The following MAPK4 variants were observed in gnomAD, a reference collection of about 807,000 sequenced individuals.
MAPK4 encodes the protein Erk3-related.
A neutral mutation model predicts 47.7 loss-of-function variants in MAPK4; 22 were observed. That is an observed-to-expected ratio of 0.46 (90% CI 0.33 to 0.66). MAPK4 has a LOEUF of 0.66. Ranked by LOEUF, MAPK4 falls within the 30% of genes least tolerant of loss-of-function variation. The pLI is 0.02. For synonymous variants in MAPK4, 390 were observed against 365.7 expected, an observed-to-expected ratio of 1.07 and a Z score of -0.76; for missense variants, 736 against 831.7, an observed-to-expected ratio of 0.88 and a Z score of 1.42.
intron 1 of MAPK4, among the ~76,000 whole-genome samples, chr18:50,590,600 A>G (rs2042428856): frequency 6.6e-6 from 1 of 152,238 alleles, no homozygotes; most frequent in Non-Finnish European, 1.5e-5. Flanking sequence ...TGCTAAAATT[A>G]GAGCTGAAAG....
intron 1 of MAPK4, among the ~76,000 whole-genome samples, chr18:50,644,995 G>C (rs2042974919): frequency 6.6e-6 from 1 of 152,222 alleles, no homozygotes; most frequent in African/African-American, 2.4e-5. Context: ...TAATGGATGG[G>C]ATGGGGATTT....
At position 50,635,514 on chromosome 18, in the gene MAPK4, A is replaced by G. The variant is rs75024987; in HGVS notation, c.-870-27575A>G. Among the ~76,000 whole-genome samples the G allele has an allele frequency of 7.3e-3, 1,114 of 152,298 alleles. 10 individuals are homozygous for G. Among genetic ancestry groups the G allele is most frequent in the African/African-American group, 0.026 (1,064 of 41,544 alleles). ...AGCTCCCAAGCTGGGCTATCTCTGT[A>G]GCGTAGTCCAACCAATCCATTCTCC... is the stretch of plus-strand genomic sequence containing the variant. On this transcript the variant is annotated intron_variant, in intron 1 of 5. Coordinates refer to ENST00000400384, the MANE Select transcript of MAPK4 (RefSeq NM_002747.4).
chr18:50,575,308 A>G (rs982078847), intron 1 of MAPK4, among the ~76,000 whole-genome samples: 2 of 152,244 alleles, frequency 1.3e-5, no homozygotes, highest in Admixed American at 1.3e-4. Context: ...TGGATTTCCA[A>G]AACTGTGAGA....
chr18:50,596,239 G>A (rs1269360483), intron 1 of MAPK4, among the ~76,000 whole-genome samples: 2 of 152,128 alleles, frequency 1.3e-5, no homozygotes, highest in Admixed American at 1.3e-4. Context: ...GCCAGTAAGG[G>A]GTGCGGGTAG....
rs750761382 is a variant in MAPK4 at position 50,664,369 on chromosome 18, C to G, written c.411C>G (p.Leu137=). ...KLFMYQLLRG[L]KYIHSANVLH... ...TCATGTACCAGCTGCTCCGCGGGCT[C>G]AAGTACATCCACTCCGCCAACGTGC... is the stretch of plus-strand genomic sequence containing the variant. The change falls in exon 2 of 6, where the codon CTC becomes CTG. Residue 137 remains leucine, a synonymous_variant. Coordinates refer to ENST00000400384, the MANE Select transcript of MAPK4 (RefSeq NM_002747.4). This position sits in a 1 kb window ranked among gnomAD's most constrained non-coding sequence, Gnocchi z 6.0. The G allele has an allele frequency of 1.2e-6, 2 of 1,614,034 alleles. No homozygotes were observed. Among genetic ancestry groups the G allele is most frequent in the East Asian group, 2.2e-5 (1 of 44,872 alleles).
At chr18:50,720,658 G>A (rs1252042265) in intron 3 of MAPK4, among the ~76,000 whole-genome samples, 1 of 152,146 alleles carries the variant, frequency 6.6e-6, no homozygotes, top group Non-Finnish European at 1.5e-5. Context: ...CAGGGGCTTG[G>A]GAGCAAGGTC....
At chr18:50,656,029 A>G (rs3911592) in intron 1 of MAPK4, among the ~76,000 whole-genome samples, 100,603 of 151,930 alleles carry the variant, frequency 0.66, 34,502 homozygotes, top group East Asian at 0.76. Context: ...CCAGAATTCT[A>G]TCTGACTCTG....
At chr18:50,663,027 G>T (rs1287635888) in intron 1 of MAPK4, 62 bp from the exon 2 acceptor site, 4 of 152,250 alleles carry the variant, frequency 2.6e-5, no homozygotes, top group Admixed American at 6.5e-5. Flanking sequence ...AACAAAAGAC[G>T]CAAGTGGGAA....
Position 50,678,477 on chromosome 18 carries a change from C to T in MAPK4, c.546+13973C>T, listed in dbSNP as rs886511127. ...ATCAGAGTAGATACTGTCTGGGAGCCGCCATCACCCCTCCACCCTGTACAG... is the reference window on the plus strand; with the variant it reads ...ATCAGAGTAGATACTGTCTGGGAGCTGCCATCACCCCTCCACCCTGTACAG... On this transcript the variant is annotated intron_variant, in intron 2 of 5. Coordinates refer to ENST00000400384, the MANE Select transcript of MAPK4 (RefSeq NM_002747.4). The surrounding 1 kb of genome is among the most constrained non-coding windows in gnomAD (Gnocchi z 4.2). Among the ~76,000 whole-genome samples the T allele has an allele frequency of 2.0e-5, 3 of 152,138 alleles. No homozygotes were observed. The highest frequency in any genetic ancestry group is 1.9e-4 in the East Asian group (1 of 5,188).
chr18:50,560,327 G>C (rs1878279007), intron 1 of MAPK4, 84 bp downstream of exon 1: 1 of 152,150 alleles, frequency 6.6e-6, no homozygotes, highest in African/African-American at 2.4e-5. Flanking sequence ...GCGGGGAAGA[G>C]ATGAGACTTC....
At chr18:50,709,326 C>A (rs1340871697) in intron 2 of MAPK4, among the ~76,000 whole-genome samples, 1 of 152,206 alleles carries the variant, frequency 6.6e-6, no homozygotes, top group Non-Finnish European at 1.5e-5. Flanking sequence ...GTCCATTAAT[C>A]CCCTGCTCTC....
At chr18:50,667,282 TCTGATCA>T (rs1461831861) in intron 2 of MAPK4, among the ~76,000 whole-genome samples, 1 of 152,190 alleles carries the variant, frequency 6.6e-6, no homozygotes, top group African/African-American at 2.4e-5. Flanking sequence ...CTCCATGGAT[TCTGATCA>T]CTGTACCTAA....
chr18:50,612,431 C>G (rs1048189516), intron 1 of MAPK4, among the ~76,000 whole-genome samples: 1 of 152,132 alleles, frequency 6.6e-6, no homozygotes, highest in Admixed American at 6.5e-5. Flanking sequence ...GTATGTCACC[C>G]CTACCCTCAG....
chr18:50,565,222 T>G (rs1483364131), intron 1 of MAPK4, among the ~76,000 whole-genome samples: 1 of 152,204 alleles, frequency 6.6e-6, no homozygotes, highest in African/African-American at 2.4e-5. Flanking sequence ...TCTGTTAACA[T>G]CTGCCCTCAA....
rs147265278 is a variant in MAPK4 at position 50,624,048 on chromosome 18, C to T, written c.-870-39041C>T. On this transcript the variant is annotated intron_variant, in intron 1 of 5. Coordinates refer to ENST00000400384, the MANE Select transcript of MAPK4 (RefSeq NM_002747.4). ...TGGCCAAAATAATCTTTTCCCCTGA[C>T]GTATGCAATCACATCACCTGTCCCT... Among the ~76,000 whole-genome samples, 612 of 152,334 alleles carry T rather than the reference C, an allele frequency of 4.0e-3. 2 individuals are homozygous for T. The highest frequency in any genetic ancestry group is 0.013 in the African/African-American group (559 of 41,582).
At chr18:50,723,063 A>C (rs186977630) in intron 4 of MAPK4, among the ~76,000 whole-genome samples, 1 of 152,348 alleles carries the variant, frequency 6.6e-6, no homozygotes, top group Non-Finnish European at 1.5e-5. Flanking sequence ...AAGCTTGTAC[A>C]GTAGCAGATA....
At position 50,715,220 on chromosome 18, in the gene MAPK4, G is replaced by GCT. The variant is rs1372480438; in HGVS notation, c.689_690dup (p.Gly231LeufsTer18). ...GATGCTTACGGGGAGAATGCTCTTT[G>GCT]CTGGTGAGTTGCTAACTATGCCACC... On this transcript the variant is annotated frameshift_variant, in exon 3 of 6. Coordinates refer to ENST00000400384, the MANE Select transcript of MAPK4 (RefSeq NM_002747.4). LOFTEE classifies it high-confidence loss of function. 2 of 1,613,378 alleles carry GCT rather than the reference G, an allele frequency of 1.2e-6. No homozygotes were observed. Among genetic ancestry groups the GCT allele is most frequent in the Non-Finnish European group, 1.7e-6 (2 of 1,179,828 alleles).
chr18:50,594,906 A>G (rs2042468785), intron 1 of MAPK4, among the ~76,000 whole-genome samples: 2 of 152,230 alleles, frequency 1.3e-5, no homozygotes, highest in African/African-American at 2.4e-5. Flanking sequence ...AGTGAAAAAC[A>G]TGGCAAAAGA....
intron 1 of MAPK4, among the ~76,000 whole-genome samples, chr18:50,592,527 C>T (rs958191103): frequency 6.6e-6 from 1 of 152,182 alleles, no homozygotes; most frequent in Non-Finnish European, 1.5e-5. Context: ...TTACAACCCC[C>T]CCCGCTTGGT....
Sources: gnomAD v4.1 joint callset for allele counts (sites outside exome capture counted in the v4.1 genomes callset) on GRCh38, gnomAD v4.1.1 for gene constraint, Gnocchi (gnomAD v3.1) non-coding constraint, MANE v1.5 for transcripts, NCBI Gene and HGNC (gene_info 2026-07-23, HGNC 2026-07-21) for gene names.